LRBA: variants seen among roughly 807,000 people sequenced by gnomAD.
LRBA encodes the protein lipopolysaccharide-responsive and beige-like anchor protein.
A neutral mutation model predicts 330.0 loss-of-function variants in LRBA; 176 were observed. The observed-to-expected ratio is 0.53, with a 90% CI of 0.47 to 0.60. The LOEUF (loss-of-function observed/expected upper bound fraction) is 0.60, where lower values mean the gene tolerates loss of function less well. Among genes scored for constraint, LRBA ranks in the 20% least tolerant of loss-of-function variants. The pLI is 0.00. For synonymous variants in LRBA, 1,230 were observed against 1,193.0 expected (o/e 1.03, Z -0.64); for missense variants, 3,259 against 3,444.8 (o/e 0.95, Z 1.35).
chr4:150,728,667 CAA>C (rs145196870), intron 36 of LRBA, among the ~76,000 whole-genome samples: 1 of 136,156 alleles, frequency 7.3e-6, no homozygotes, highest in African/African-American at 2.6e-5. Flanking sequence ...TAAAAACCCT[CAA>C]AAAAAAAAAA....
At chr4:150,277,830 G>T in intron 56 of LRBA, 23 bp downstream of exon 56, 1 of 1,611,336 alleles carries the variant, frequency 6.2e-7, no homozygotes, top group Non-Finnish European at 8.5e-7. Context: ...ACCCCTATTT[G>T]TAGCCCATGA....
At chr4:150,570,981 C>A (rs975853386) in intron 40 of LRBA, among the ~76,000 whole-genome samples, 1 of 152,014 alleles carries the variant, frequency 6.6e-6, no homozygotes, top group African/African-American at 2.4e-5. Flanking sequence ...ATTACTGAGG[C>A]CTCTCCCTCT....
chr4:150,979,501 C>G (rs917169851), intron 2 of LRBA, among the ~76,000 whole-genome samples: 1 of 152,076 alleles, frequency 6.6e-6, no homozygotes, highest in Non-Finnish European at 1.5e-5. Flanking sequence ...AACACAATAA[C>G]ACCATAACTT....
At chr4:150,798,748 T>C (rs1356371224) in intron 33 of LRBA, among the ~76,000 whole-genome samples, 2 of 152,188 alleles carry the variant, frequency 1.3e-5, no homozygotes, top group Non-Finnish European at 2.9e-5. Context: ...AGAATGGATA[T>C]TTTATATAAT....
intron 44 of LRBA, among the ~76,000 whole-genome samples, chr4:150,462,142 A>G (rs1319703508): frequency 6.6e-6 from 1 of 151,812 alleles, no homozygotes; most frequent in Non-Finnish European, 1.5e-5. Context: ...AAATCAATGT[A>G]TGTTTATAAA....
In LRBA at chr4:150,850,834, A is replaced by C. The variant is rs1485047983; in HGVS notation, c.3894T>G (p.Asp1298Glu). Reference sequence around the variant, plus strand: ...GAATACGAAACACAGTAGATCTGGAATCCCTCCTTTGTCCATTAACTGCAT... The same window carrying C: ...GAATACGAAACACAGTAGATCTGGACTCCCTCCTTTGTCCATTAACTGCAT... Reference protein sequence around the residue: ...APDAVNGQRRDSRSTVFRIPE... With the variant: ...APDAVNGQRRESRSTVFRIPE... Residue 1298 changes from aspartate to glutamate, a missense_variant, in exon 24 of 57, where the codon GAT becomes GAG. Physicochemically the swap from Asp to Glu is conservative, Grantham distance 45. Transcript: ENST00000651943. 4.3e-6 allele frequency: 7 copies of C among 1,613,836 alleles called. No homozygotes were observed. Among genetic ancestry groups the C allele is most frequent in the Non-Finnish European group, 5.9e-6 (7 of 1,179,870 alleles).
At chr4:150,344,071 C>T (rs1441341179) in intron 48 of LRBA, among the ~76,000 whole-genome samples, 2 of 152,136 alleles carry the variant, frequency 1.3e-5, no homozygotes, top group Non-Finnish European at 2.9e-5. Flanking sequence ...GTGTATTACA[C>T]ACTTTCTCTC....
At chr4:150,687,409 A>ATG (rs1783721951) in intron 36 of LRBA, among the ~76,000 whole-genome samples, 2 of 152,080 alleles carry the variant, frequency 1.3e-5, no homozygotes, top group Admixed American at 1.3e-4. Flanking sequence ...GTCAAATCTA[A>ATG]AACTTTCATT....
At chr4:150,703,284 G>A (rs1582095051) in intron 36 of LRBA, among the ~76,000 whole-genome samples, 1 of 152,244 alleles carries the variant, frequency 6.6e-6, no homozygotes, top group Non-Finnish European at 1.5e-5. Context: ...TATCTACTAG[G>A]ATACAAACAG....
intron 36 of LRBA, among the ~76,000 whole-genome samples, chr4:150,733,988 G>A (rs1347862318): frequency 6.6e-6 from 1 of 152,108 alleles, no homozygotes; most frequent in Non-Finnish European, 1.5e-5. Context: ...TATATTAGCT[G>A]TATCTTGCAC....
intron 44 of LRBA, among the ~76,000 whole-genome samples, chr4:150,462,273 T>C (rs1179720540): frequency 4.6e-5 from 7 of 151,764 alleles, no homozygotes; most frequent in African/African-American, 1.7e-4. Flanking sequence ...AACCTCAAAA[T>C]TGATTCCTAT....
chr4:150,882,962 T>G (rs1728563078), intron 17 of LRBA, among the ~76,000 whole-genome samples: 1 of 152,192 alleles, frequency 6.6e-6, no homozygotes, highest in African/African-American at 2.4e-5. Flanking sequence ...TGTCATTTGA[T>G]GAAAATTAAA....
intron 2 of LRBA, among the ~76,000 whole-genome samples, chr4:150,968,718 C>G (rs182541145): frequency 6.6e-6 from 1 of 152,322 alleles, no homozygotes; most frequent in African/African-American, 2.4e-5. Flanking sequence ...TCCAGAAGAT[C>G]TACCTGAGAT....
intron 13 of LRBA, among the ~76,000 whole-genome samples, chr4:150,903,336 G>A (rs1193516646): frequency 6.6e-6 from 1 of 152,006 alleles, no homozygotes; most frequent in Admixed American, 6.6e-5. Flanking sequence ...ACTGAGCCAT[G>A]GCCATGAAAA....
At chr4:150,712,435 A>G (rs1416098213) in intron 36 of LRBA, among the ~76,000 whole-genome samples, 1 of 152,204 alleles carries the variant, frequency 6.6e-6, no homozygotes, top group East Asian at 1.9e-4. Context: ...AGGAATAAAA[A>G]AATAATGTGC....
rs192627334 is a variant in LRBA at position 150,977,296 on chromosome 4, G to A, written c.216+37131C>T. 1.9e-3 allele frequency among the ~76,000 whole-genome samples: 285 copies of A among 152,302 alleles called. 2 individuals are homozygous for A. The highest frequency in any genetic ancestry group is 6.4e-3 in the African/African-American group (264 of 41,568). ...TACTAGCTCAGCCACAATCGAATAG[G>A]AAACCAGGCAGTCATGAGGACCCCA... On this transcript the variant is annotated intron_variant, in intron 2 of 56. Transcript: ENST00000651943.
At chr4:150,577,879 T>G (rs1770744130) in intron 40 of LRBA, among the ~76,000 whole-genome samples, 1 of 152,228 alleles carries the variant, frequency 6.6e-6, no homozygotes, top group South Asian at 2.1e-4. Context: ...GGATTATAAC[T>G]GTCAGATTAC....
chr4:150,408,408 A>T (rs1304182343), intron 47 of LRBA, among the ~76,000 whole-genome samples: 1 of 152,174 alleles, frequency 6.6e-6, no homozygotes, highest in Non-Finnish European at 1.5e-5. Flanking sequence ...AAATCTTCTC[A>T]CAAAGAAAAG....
At chr4:150,456,733 C>T (rs1461549666) in intron 44 of LRBA, among the ~76,000 whole-genome samples, 1 of 152,094 alleles carries the variant, frequency 6.6e-6, no homozygotes, top group Non-Finnish European at 1.5e-5. Flanking sequence ...TGGGGCACTA[C>T]TCAAGAAATC....
Sources: gnomAD v4.1 joint callset for allele counts (sites outside exome capture counted in the v4.1 genomes callset) on GRCh38, gnomAD v4.1.1 for gene constraint, MANE v1.5 for transcripts, NCBI Gene and HGNC (gene_info 2026-07-23, HGNC 2026-07-21) for gene names.